Variants in CPA6 observed in about 807,000 individuals in gnomAD.
The protein encoded by CPA6 is carboxypeptidase A6.
In CPA6, 58 loss-of-function variants were observed where a neutral mutation model predicts 63.3. The observed-to-expected ratio is 0.92, with a 90% CI of 0.74 to 1.14. CPA6 has a LOEUF of 1.14. Ranked by LOEUF, CPA6 falls within the 50% of genes most tolerant of loss-of-function variation. CPA6 has a pLI of 0.00. For missense variants in CPA6, 565 were observed against 526.6 expected (o/e 1.07, Z -0.71); for synonymous variants, 185 against 179.0 (o/e 1.03, Z -0.27).
In CPA6 at chr8:67,669,795, CAA is replaced by C. The variant is rs11294793; in HGVS notation, c.117-45546_117-45545del. Among the ~76,000 whole-genome samples, 1,362 of 139,860 alleles carry C rather than the reference CAA, an allele frequency of 9.7e-3. 25 individuals carry two copies. Among genetic ancestry groups the C allele is most frequent in the African/African-American group, 0.028 (1,090 of 39,224 alleles). The allele number at this position is 139,860 out of a possible 152,430, so 91.8% of individuals were successfully genotyped here. On this transcript the variant is annotated intron_variant, in intron 1 of 10. Coordinates refer to ENST00000297770, the MANE Select transcript of CPA6 (RefSeq NM_020361.5). Reference sequence around the variant, plus strand: ...GGAAATATGAAAAATTATCTAAAGACAAAAAAAAAAACAACCCCAAAAAACAG... The same window carrying C: ...GGAAATATGAAAAATTATCTAAAGACAAAAAAAAACAACCCCAAAAAACAG...
chr8:67,536,248 T>C (rs1393999798), intron 2 of CPA6, among the ~76,000 whole-genome samples: 1 of 152,228 alleles, frequency 6.6e-6, no homozygotes, highest in East Asian at 1.9e-4. Flanking sequence ...CAACGGTAGC[T>C]TGATGGGAAT....
chr8:67,503,523 A>G (rs1322524948), intron 6 of CPA6, among the ~76,000 whole-genome samples: 1 of 139,942 alleles, frequency 7.1e-6, no homozygotes, highest in Non-Finnish European at 1.5e-5. Flanking sequence ...GCCCAGGCTG[A>G]TCTCGAATTC....
At chr8:67,470,007 T>C (rs1388304972) in intron 8 of CPA6, among the ~76,000 whole-genome samples, 2 of 151,816 alleles carry the variant, frequency 1.3e-5, no homozygotes, top group Non-Finnish European at 2.9e-5. Context: ...TTTGAATAAA[T>C]GGAGGAATGG....
intron 8 of CPA6, among the ~76,000 whole-genome samples, chr8:67,470,006 A>G (rs1166126935): frequency 2.6e-5 from 4 of 151,636 alleles, no homozygotes; most frequent in Non-Finnish European, 5.9e-5. Context: ...TTTTGAATAA[A>G]TGGAGGAATG....
chr8:67,541,029 G>A (rs1330892454), intron 2 of CPA6, among the ~76,000 whole-genome samples: 1 of 152,066 alleles, frequency 6.6e-6, no homozygotes, highest in Non-Finnish European at 1.5e-5. Flanking sequence ...TCTCACTGGT[G>A]TTCCAGGCAC....
At chr8:67,687,408 T>C (rs936943252) in intron 1 of CPA6, among the ~76,000 whole-genome samples, 1 of 152,084 alleles carries the variant, frequency 6.6e-6, no homozygotes, top group African/African-American at 2.4e-5. Context: ...GGACTTGTGG[T>C]GAGAGGATCT....
intron 1 of CPA6, among the ~76,000 whole-genome samples, chr8:67,633,772 T>A (rs1815400343): frequency 6.6e-6 from 1 of 152,204 alleles, no homozygotes. Flanking sequence ...AGTGATTTTT[T>A]TGTATTTTAC....
chr8:67,475,765 TTC>T (rs879608701), intron 8 of CPA6, among the ~76,000 whole-genome samples: 2,695 of 108,778 alleles, frequency 0.025, 67 homozygotes, highest in Middle Eastern at 0.046. Context: ...TTTTCTTTCT[TTC>T]TCTTTCTTTC....
chr8:67,652,142 A>T (rs2098872), intron 1 of CPA6, among the ~76,000 whole-genome samples: 1 of 151,896 alleles, frequency 6.6e-6, no homozygotes, highest in African/African-American at 2.4e-5. Flanking sequence ...TCAGTCTATC[A>T]TTGTTGGACA....
At chr8:67,600,126 A>G (rs1814455471) in intron 2 of CPA6, among the ~76,000 whole-genome samples, 2 of 151,406 alleles carry the variant, frequency 1.3e-5, no homozygotes, top group Admixed American at 1.3e-4. Context: ...TTATTATTAT[A>G]CTTTAAGTTT....
intron 8 of CPA6, among the ~76,000 whole-genome samples, chr8:67,479,443 G>T (rs1811310252): frequency 6.6e-6 from 1 of 152,192 alleles, no homozygotes; most frequent in African/African-American, 2.4e-5. Context: ...ATTCCCTCAT[G>T]CTATGCATGT....
At chr8:67,733,900 T>G (rs58371344) in intron 1 of CPA6, among the ~76,000 whole-genome samples, 1,797 of 139,764 alleles carry the variant, frequency 0.013, 35 homozygotes, top group African/African-American at 0.044. Context: ...TGGAGTGCAG[T>G]GGCGCCCTCT....
chr8:67,593,390 G>T (rs1336250198), intron 2 of CPA6, among the ~76,000 whole-genome samples: 3 of 152,116 alleles, frequency 2.0e-5, no homozygotes, highest in African/African-American at 7.2e-5. Context: ...TTCTGTAGAT[G>T]TCTATTAGGT....
At chr8:67,692,179 A>G (rs1205243832) in intron 1 of CPA6, among the ~76,000 whole-genome samples, 1 of 152,134 alleles carries the variant, frequency 6.6e-6, no homozygotes, top group South Asian at 2.1e-4. Flanking sequence ...TCTACTAAAA[A>G]TACAAAATTA....
intron 1 of CPA6, among the ~76,000 whole-genome samples, chr8:67,640,855 C>T (rs1815575622): frequency 6.6e-6 from 1 of 151,640 alleles, no homozygotes; most frequent in Non-Finnish European, 1.5e-5. Context: ...ACGAGTGAAC[C>T]CGACACTCCT....
At chr8:67,603,670 T>C (rs1814553297) in intron 2 of CPA6, among the ~76,000 whole-genome samples, 1 of 152,224 alleles carries the variant, frequency 6.6e-6, no homozygotes, top group Admixed American at 6.5e-5. Context: ...TGGTAGTCCA[T>C]ATTTCGTAAG....
At chr8:67,561,137 T>G (rs879081231) in intron 2 of CPA6, among the ~76,000 whole-genome samples, 7 of 152,140 alleles carry the variant, frequency 4.6e-5, no homozygotes, top group African/African-American at 1.7e-4. Flanking sequence ...AAATTTATAA[T>G]TACTACAAAT....
At chr8:67,580,766 G>T (rs1813750081) in intron 2 of CPA6, among the ~76,000 whole-genome samples, 1 of 152,146 alleles carries the variant, frequency 6.6e-6, no homozygotes. Flanking sequence ...CAGGAATCAG[G>T]CTCTGACCAT....
chr8:67,675,759 C>CA (rs1816458412), intron 1 of CPA6, among the ~76,000 whole-genome samples: 1 of 152,200 alleles, frequency 6.6e-6, no homozygotes. Context: ...ATTATCTACT[C>CA]AAAGGCCTCA....
Sources: gnomAD v4.1 joint callset for allele counts (sites outside exome capture counted in the v4.1 genomes callset) on GRCh38, gnomAD v4.1.1 for gene constraint, MANE v1.5 for transcripts, NCBI Gene and HGNC (gene_info 2026-07-23, HGNC 2026-07-21) for gene names.